Variants in ADAMTS17 observed in about 807,000 individuals in gnomAD.
The protein encoded by ADAMTS17 is ADAM metallopeptidase with thrombospondin type 1 motif 17.
Under a neutral mutation model 141.5 loss-of-function variants are expected in ADAMTS17, and 113 were observed. That is an observed-to-expected ratio of 0.80 (90% CI 0.69 to 0.93). ADAMTS17 has a LOEUF of 0.93. ADAMTS17 is among the 40% of genes least tolerant of loss of function. The pLI, the probability that ADAMTS17 is intolerant of heterozygous loss-of-function variation, is 0.00. For missense variants in ADAMTS17, 1,659 were observed against 1,517.9 expected (o/e 1.09, Z -1.54); for synonymous variants, 768 against 630.6 (o/e 1.22, Z -3.27).
At chr15:100,298,508 C>A (rs1394516953) in intron 3 of ADAMTS17, among the ~76,000 whole-genome samples, 1 of 152,276 alleles carries the variant, frequency 6.6e-6, no homozygotes, top group Middle Eastern at 3.4e-3. Flanking sequence ...ACTCATCAGT[C>A]CCATAAACAC....
intron 20 of ADAMTS17, among the ~76,000 whole-genome samples, chr15:99,992,732 G>A (rs1055917022): frequency 2.6e-5 from 4 of 152,198 alleles, no homozygotes; most frequent in East Asian, 1.9e-4. Context: ...CCAGCACACC[G>A]CACAGCATGG....
At chr15:100,082,766 CTT>C (rs71151935) in intron 15 of ADAMTS17, among the ~76,000 whole-genome samples, 1,926 of 123,234 alleles carry the variant, frequency 0.016, 44 homozygotes, top group African/African-American at 0.048. Flanking sequence ...TCTCGTTAGT[CTT>C]TTTTTTTTTT....
rs769662451 is a variant in ADAMTS17 at position 100,281,319 on chromosome 15, C to T, written c.699G>A (p.Thr233=). 7.5e-6 allele frequency: 12 copies of T among 1,610,112 alleles called. 1 individual carries two copies. Among genetic ancestry groups the T allele is most frequent in the Admixed American group, 5.0e-5 (3 of 60,004 alleles). The change falls in exon 4 of 22, where the codon ACG becomes ACA. Residue 233 remains threonine, a synonymous_variant. Transcript: ENST00000268070. ...CGTCGGCCACCACCAGGGTCTCCACCGTGTGCTCGCTGGTGAGCCGGATAG... is the reference window on the plus strand; with the variant it reads ...CGTCGGCCACCACCAGGGTCTCCACTGTGTGCTCGCTGGTGAGCCGGATAG... ...RNAIRLTSEH[T]VETLVVADAD...
rs75585294 is a variant in ADAMTS17, at chr15:100,048,843, A to C, written c.2591+14T>G. ...GACTCTGGTGGGTCCAAGCTACAGAACCCAGCTTCTTACCGTGACTGGCAG... is the reference window on the plus strand; with the variant it reads ...GACTCTGGTGGGTCCAAGCTACAGACCCCAGCTTCTTACCGTGACTGGCAG... On this transcript the variant is annotated intron_variant, in intron 18 of 21. Coordinates refer to ENST00000268070, the MANE Select transcript of ADAMTS17 (RefSeq NM_139057.4). The C allele has an allele frequency of 9.4e-4, 1,513 of 1,614,110 alleles. 20 individuals carry two copies. The African/African-American group carries it at 0.018, about 19-fold the overall frequency.
At chr15:100,002,034 GTGA>G (rs1302566633) in intron 18 of ADAMTS17, among the ~76,000 whole-genome samples, 1 of 132,318 alleles carries the variant, frequency 7.6e-6, no homozygotes, top group Non-Finnish European at 1.6e-5. Context: ...AAATTTGAAT[GTGA>G]TGATTTTCTT....
chr15:100,130,207 T>G (rs1413335259), intron 12 of ADAMTS17, among the ~76,000 whole-genome samples: 1 of 151,822 alleles, frequency 6.6e-6, no homozygotes, highest in East Asian at 1.9e-4. Context: ...CTACTAAAAA[T>G]ACAAAAAGTA....
chr15:100,143,928 T>C (rs1413769750), intron 10 of ADAMTS17, among the ~76,000 whole-genome samples: 1 of 152,190 alleles, frequency 6.6e-6, no homozygotes, highest in Admixed American at 6.5e-5. Flanking sequence ...CAGAAGAACA[T>C]ACAGAGAGGA....
chr15:100,278,327 CA>C (rs34991549), intron 4 of ADAMTS17, among the ~76,000 whole-genome samples: 26,478 of 100,796 alleles, frequency 0.26, 2,165 homozygotes, highest in East Asian at 0.45. Flanking sequence ...CATTCTACCA[CA>C]AAAAAAAAAA....
chr15:100,216,349 T>G (rs1427499467), intron 7 of ADAMTS17, among the ~76,000 whole-genome samples: 1 of 152,254 alleles, frequency 6.6e-6, no homozygotes, highest in East Asian at 1.9e-4. Flanking sequence ...AATTTCACAA[T>G]GATCGGCAGT....
At chr15:100,218,037 T>TGC (rs754462600) in intron 7 of ADAMTS17, among the ~76,000 whole-genome samples, 9 of 152,064 alleles carry the variant, frequency 5.9e-5, no homozygotes, top group Non-Finnish European at 1.2e-4. Context: ...CACACCACCA[T>TGC]GCCCAGCTAA....
chr15:99,974,652 C>A, intron 21 of ADAMTS17, 90 bp from the exon 22 acceptor site: 2 of 1,535,482 alleles, frequency 1.3e-6, no homozygotes, highest in Non-Finnish European at 1.8e-6. Context: ...GTCTGACCGT[C>A]TGGGCTCCCT....
Position 100,268,282 on chromosome 15 carries a change from G to A in ADAMTS17, c.790-5847C>T, listed in dbSNP as rs118073711. 6.2e-3 allele frequency among the ~76,000 whole-genome samples: 940 copies of A among 152,224 alleles called. 7 individuals are homozygous for A. Among genetic ancestry groups the A allele is most frequent in the Non-Finnish European group, 8.7e-3 (589 of 68,018 alleles). On this transcript the variant is annotated intron_variant, in intron 4 of 21. Transcript: ENST00000268070. Reference sequence around the variant, plus strand: ...ACATATGCATGCATGTGTTTTTATGGCAGAATGATCTATACGCCTTTGGGT... The same window carrying A: ...ACATATGCATGCATGTGTTTTTATGACAGAATGATCTATACGCCTTTGGGT...
intron 14 of ADAMTS17, among the ~76,000 whole-genome samples, chr15:100,096,683 G>A (rs543206504): frequency 8.1e-5 from 12 of 148,254 alleles, no homozygotes; most frequent in Admixed American, 2.1e-4. Context: ...CTTTATACCC[G>A]CATAGCTGTA....
chr15:100,315,209 G>A (rs1360541215), intron 3 of ADAMTS17, among the ~76,000 whole-genome samples: 2 of 152,194 alleles, frequency 1.3e-5, no homozygotes. Context: ...TCTGCCCCAG[G>A]TATCCACTGC....
chr15:100,135,138 A>G (rs1425592188), intron 10 of ADAMTS17, among the ~76,000 whole-genome samples: 2 of 152,166 alleles, frequency 1.3e-5, no homozygotes, highest in African/African-American at 4.8e-5. Context: ...TTCGTTATGG[A>G]TTTTATAGAC....
intron 15 of ADAMTS17, among the ~76,000 whole-genome samples, chr15:100,074,783 T>C (rs1428923430): frequency 1.3e-5 from 2 of 152,198 alleles, no homozygotes; most frequent in South Asian, 2.1e-4. Context: ...GTTGATTTTA[T>C]ATAGAGGCAC....
At chr15:100,302,163 CATATA>C (rs1205877686) in intron 3 of ADAMTS17, among the ~76,000 whole-genome samples, 1 of 152,200 alleles carries the variant, frequency 6.6e-6, no homozygotes, top group South Asian at 2.1e-4. Context: ...TTAACAGAAT[CATATA>C]ATATGTGATC....
rs893874835 is a variant in ADAMTS17, at chr15:100,298,763, C to T, written c.617-17362G>A. Among the ~76,000 whole-genome samples, 4 of 152,140 alleles carry T rather than the reference C, an allele frequency of 2.6e-5. No individual in the cohort carries two copies. In the South Asian group the frequency reaches 6.2e-4, roughly 24 times the overall value. ...TCAGACTGGCTGTCACAGGATACCC[C>T]GAAAATAAAGGAGACCACCACATTT... On this transcript the variant is annotated intron_variant, in intron 3 of 21. Transcript: ENST00000268070.
chr15:100,088,201 A>C (rs2035231522), intron 15 of ADAMTS17, among the ~76,000 whole-genome samples: 1 of 152,194 alleles, frequency 6.6e-6, no homozygotes, highest in African/African-American at 2.4e-5. Flanking sequence ...AATAACAGAC[A>C]AACAGAGAGC....
Sources: allele counts gnomAD v4.1 joint callset (sites outside exome capture counted in the v4.1 genomes callset), GRCh38; gene constraint gnomAD v4.1.1; transcripts MANE v1.5; gene names NCBI Gene and HGNC (gene_info 2026-07-23, HGNC 2026-07-21).